Variants in CEP63 observed in about 807,000 individuals in gnomAD.
CEP63 encodes centrosomal protein of 63 kDa.
In CEP63, 84 loss-of-function variants were observed where a neutral mutation model predicts 89.1. The observed-to-expected ratio is 0.94, with a 90% confidence interval of 0.79 to 1.13. CEP63 has a LOEUF of 1.13. Ranked by LOEUF, CEP63 falls within the 50% of genes most tolerant of loss-of-function variation. The pLI is 0.00. For missense variants in CEP63, 838 were observed against 813.3 expected (o/e 1.03, Z -0.37); for synonymous variants, 267 against 272.5 (o/e 0.98, Z 0.20).
chr3:134,554,172 C>T (rs536421023), intron 12 of CEP63, among the ~76,000 whole-genome samples: 1,725 of 151,652 alleles, frequency 0.011, 22 homozygotes, highest in Non-Finnish European at 0.02. Context: ...CATGCTGGTG[C>T]ACTGCACCCA....
the CEP63 span, among the ~76,000 whole-genome samples, chr3:134,630,161 T>C: frequency 1.3e-5 from 2 of 152,372 alleles, no homozygotes; most frequent in Admixed American, 6.5e-5. Flanking sequence ...CCTCTCTTTC[T>C]GGCTTGCAGA....
At chr3:134,748,753 G>C in the CEP63 span, among the ~76,000 whole-genome samples, 1 of 152,180 alleles carries the variant, frequency 6.6e-6, no homozygotes, top group African/African-American at 2.4e-5. Flanking sequence ...AGGGTGCTAG[G>C]GTTCTGAAGT....
chr3:134,533,308 A>G lies in CEP63; in HGVS notation c.441+408A>G, dbSNP rs375177446. On this transcript the variant is annotated intron_variant, in intron 5 of 14. Coordinates refer to ENST00000675561, the MANE Select transcript of CEP63 (RefSeq NM_001353108.3). The stretch of plus-strand genomic sequence containing the variant: ...AACTCTCCAATTGGGAAACATGACC[A>G]CTAGTTATAGGCAGTCCTCTATGGA... Among the ~76,000 whole-genome samples the G allele has an allele frequency of 1.4e-4, 22 of 152,312 alleles. 1 individual carries two copies. In the East Asian group the frequency reaches 2.7e-3, roughly 19 times the overall value.
chr3:134,536,932 A>C, intron 5 of CEP63: 1 of 522,196 alleles, frequency 1.9e-6, no homozygotes, highest in Non-Finnish European at 3.5e-6. Flanking sequence ...CCTCACCATC[A>C]GGGTGTTAAA....
At chr3:134,512,381 G>A (rs567386554) in intron 3 of CEP63, among the ~76,000 whole-genome samples, 17 of 152,322 alleles carry the variant, frequency 1.1e-4, no homozygotes, top group Middle Eastern at 3.4e-3. Context: ...TACAGGGCAC[G>A]TTGACTTTGT....
chr3:134,570,139 G>C (rs1437661355), intron 11 of CEP63, among the ~76,000 whole-genome samples: 1 of 152,178 alleles, frequency 6.6e-6, no homozygotes, highest in Non-Finnish European at 1.5e-5. Context: ...GATGGGAGAG[G>C]CTGCTGTGAA....
At chr3:134,536,491 C>T (rs183188220) in intron 5 of CEP63, 2 of 153,338 alleles carry the variant, frequency 1.3e-5, no homozygotes, top group South Asian at 2.0e-4. Context: ...CTTTCTTGAT[C>T]ATGCAATTTG....
chr3:134,667,761 A>G, the CEP63 span, among the ~76,000 whole-genome samples: 1 of 152,192 alleles, frequency 6.6e-6, no homozygotes, highest in African/African-American at 2.4e-5. Context: ...TGAGGAAGCC[A>G]GTGGCCAGGT....
the CEP63 span, among the ~76,000 whole-genome samples, chr3:134,710,726 CTTTT>C: frequency 7.6e-6 from 1 of 132,146 alleles, no homozygotes. Flanking sequence ...CTTTTTCTTT[CTTTT>C]TTTTTTTTTT....
rs187726466 is a variant in CEP63 at position 134,497,496 on chromosome 3, C to G, written c.44+2132C>G. ...AAGTGATCCGCCTGCTTCAGTGTCC[C>G]AAGTATCTGGGACCATAGGCATGTC... On this transcript the variant is annotated intron_variant, in intron 2 of 14. Coordinates refer to ENST00000675561, the MANE Select transcript of CEP63 (RefSeq NM_001353108.3). Among the ~76,000 whole-genome samples, 462 of 152,106 alleles carry G rather than the reference C, an allele frequency of 3.0e-3. 1 individual carries two copies. The highest frequency in any genetic ancestry group is 0.011 in the African/African-American group (437 of 41,504).
At chr3:134,584,812 C>CT (rs1247701790) in intron 10 of CEP63, among the ~76,000 whole-genome samples, 27 of 152,126 alleles carry the variant, frequency 1.8e-4, no homozygotes, top group African/African-American at 6.0e-4. Flanking sequence ...TGGTCCTGGA[C>CT]TTTTTTTGGT....
At chr3:134,534,027 C>T (rs756301940) in intron 5 of CEP63, among the ~76,000 whole-genome samples, 25 of 152,090 alleles carry the variant, frequency 1.6e-4, no homozygotes, top group Non-Finnish European at 2.2e-4. Flanking sequence ...TGACTATTCT[C>T]TTTTCTTTCT....
the CEP63 span, among the ~76,000 whole-genome samples, chr3:134,621,146 C>T: frequency 2.0e-5 from 3 of 152,132 alleles, no homozygotes; most frequent in African/African-American, 2.4e-5. Context: ...AGCCCCTGGT[C>T]GTGGTCAATA....
At chr3:134,560,151 C>A (rs1957087457) in intron 14 of CEP63, among the ~76,000 whole-genome samples, 2 of 152,162 alleles carry the variant, frequency 1.3e-5, no homozygotes, top group African/African-American at 4.8e-5. Flanking sequence ...TTTTTTGGCA[C>A]CAGAACTTTC....
At chr3:134,637,254 G>A in the CEP63 span, among the ~76,000 whole-genome samples, 1 of 152,188 alleles carries the variant, frequency 6.6e-6, no homozygotes, top group Non-Finnish European at 1.5e-5. Flanking sequence ...CGTAGGACTG[G>A]GTGCTATCGC....
chr3:134,568,345 C>G (rs1577485517), downstream of CEP63, among the ~76,000 whole-genome samples: 1 of 152,218 alleles, frequency 6.6e-6, no homozygotes, highest in Admixed American at 6.5e-5. Flanking sequence ...AAATAAAATA[C>G]AACAAACAAG....
At chr3:134,595,352 C>T in the CEP63 span, among the ~76,000 whole-genome samples, 1 of 152,192 alleles carries the variant, frequency 6.6e-6, no homozygotes, top group African/African-American at 2.4e-5. Flanking sequence ...GCCTCCCCAG[C>T]CATGCTGAAC....
the CEP63 span, among the ~76,000 whole-genome samples, chr3:134,622,840 C>A: frequency 6.6e-6 from 1 of 152,170 alleles, no homozygotes; most frequent in African/African-American, 2.4e-5. Context: ...TTCCCCTCAG[C>A]TCCCAGCTTG....
chr3:134,687,237 A>T, the CEP63 span, among the ~76,000 whole-genome samples: 4 of 152,358 alleles, frequency 2.6e-5, no homozygotes, highest in African/African-American at 9.6e-5. Flanking sequence ...ATTAGAACAC[A>T]CATTTTCTGA....
Sources: allele counts gnomAD v4.1 joint callset (sites outside exome capture counted in the v4.1 genomes callset), GRCh38; gene constraint gnomAD v4.1.1; transcripts MANE v1.5; gene names NCBI Gene and HGNC (gene_info 2026-07-23, HGNC 2026-07-21).